SEMA3A: variants seen among roughly 807,000 people sequenced by gnomAD.
SEMA3A encodes semaphorin-3A.
Under a neutral mutation model 97.9 loss-of-function variants are expected in SEMA3A, and 29 were observed. That is an observed-to-expected ratio of 0.30 (90% CI 0.22 to 0.40). SEMA3A has a LOEUF of 0.40. Among genes scored for constraint, SEMA3A ranks in the 10% least tolerant of loss-of-function variants. SEMA3A has a pLI of 1.00. For synonymous variants in SEMA3A, 321 were observed against 323.7 expected, an observed-to-expected ratio of 0.99 and a Z score of 0.09; for missense variants, 763 against 951.3, an observed-to-expected ratio of 0.80 and a Z score of 2.60.
chr7:84,454,176 T>C (rs1428138329), intron 1 of SEMA3A, among the ~76,000 whole-genome samples: 1 of 152,110 alleles, frequency 6.6e-6, no homozygotes, highest in African/African-American at 2.4e-5. Context: ...AGCTGTGGAG[T>C]CTTGCTGCAA....
In SEMA3A at chr7:84,091,165, AAG is replaced by A. The variant is rs1165281153; in HGVS notation, c.453+19303_453+19304del. Among the ~76,000 whole-genome samples the A allele has an allele frequency of 8.6e-4, 34 of 39,406 alleles. 1 individual carries two copies. Among genetic ancestry groups the A allele is most frequent in the African/African-American group, 2.5e-3 (26 of 10,258 alleles). 25.9% of individuals were successfully genotyped at this position (39,406 alleles called of 152,430 possible). A position where few individuals can be genotyped will look rare whatever the true frequency, so the allele number is the denominator to read the frequency against. ...GAAGGAAGGAAGGAAGGAAGGAAGGAAGGAAAGAAAGAAAGAAAGAAAGAAAG... is the reference window on the plus strand; with the variant it reads ...GAAGGAAGGAAGGAAGGAAGGAAGGAGAAAGAAAGAAAGAAAGAAAGAAAG... On this transcript the variant is annotated intron_variant, in intron 4 of 16. Transcript: ENST00000265362.
At chr7:83,997,120 A>G (rs1031856145) in intron 12 of SEMA3A, among the ~76,000 whole-genome samples, 4 of 152,294 alleles carry the variant, frequency 2.6e-5, no homozygotes, top group Admixed American at 2.6e-4. Context: ...TCTGTCAAGG[A>G]CACATAATGA....
intron 1 of SEMA3A, among the ~76,000 whole-genome samples, chr7:84,475,794 A>G (rs961038576): frequency 2.6e-5 from 4 of 152,178 alleles, no homozygotes; most frequent in Admixed American, 2.0e-4. Flanking sequence ...AGACACTTGG[A>G]TCAAAGCAAA....
chr7:84,374,138 C>T (rs1803043027), intron 1 of SEMA3A, among the ~76,000 whole-genome samples: 1 of 152,242 alleles, frequency 6.6e-6, no homozygotes, highest in South Asian at 2.1e-4. Context: ...GAAACTCATG[C>T]AAACTTTAAG....
rs1406812004 is a variant in SEMA3A at position 83,958,411 on chromosome 7, A to T, written c.*2960T>A. 6.6e-6 allele frequency: 1 copy of T among 152,522 alleles called. No individual in the cohort carries two copies. The highest frequency in any genetic ancestry group is 1.5e-5 in the Non-Finnish European group (1 of 67,946). The allele number at this position is 152,522 out of a possible 1,614,324, so 9.4% of individuals were successfully genotyped here. ...AGGAATAATTTACAGCAGCAGTTTC[A>T]TTACATTTTTCTCTCCAGTTTTTCT... On this transcript the variant is annotated 3_prime_UTR_variant, in exon 17 of 17. Coordinates refer to ENST00000265362, the MANE Select transcript of SEMA3A (RefSeq NM_006080.3).
chr7:84,197,898 C>A (rs1388198492), upstream of SEMA3A, among the ~76,000 whole-genome samples: 1 of 151,476 alleles, frequency 6.6e-6, no homozygotes, highest in African/African-American at 2.4e-5. Context: ...CGCCGCCACG[C>A]CCAGCTAATT....
At chr7:84,418,007 T>C (rs1468673270) in intron 1 of SEMA3A, among the ~76,000 whole-genome samples, 1 of 152,152 alleles carries the variant, frequency 6.6e-6, no homozygotes, top group Non-Finnish European at 1.5e-5. Context: ...ATATAATTGA[T>C]GTGATTGTTA....
chr7:84,339,869 T>C (rs1472137178), intron 2 of SEMA3A, among the ~76,000 whole-genome samples: 1 of 152,106 alleles, frequency 6.6e-6, no homozygotes, highest in East Asian at 1.9e-4. Flanking sequence ...ATATTAATGA[T>C]GAGTAATCCT....
At chr7:84,429,174 CTTTA>C (rs1375409294) in intron 1 of SEMA3A, among the ~76,000 whole-genome samples, 1 of 151,958 alleles carries the variant, frequency 6.6e-6, no homozygotes, top group African/African-American at 2.4e-5. Context: ...AGAATCTCTA[CTTTA>C]TTTATGCCTA....
intron 7 of SEMA3A, among the ~76,000 whole-genome samples, chr7:84,013,753 G>C (rs896397263): frequency 6.6e-6 from 1 of 151,980 alleles, no homozygotes; most frequent in Admixed American, 6.6e-5. Context: ...AGGCTGAAGC[G>C]GGAGAATCAC....
At chr7:84,337,369 CA>C in intron 2 of SEMA3A, among the ~76,000 whole-genome samples, 1 of 152,212 alleles carries the variant, frequency 6.6e-6, no homozygotes, top group Middle Eastern at 3.4e-3. Context: ...TCCATGTCTA[CA>C]TATACTTCTA....
chr7:84,188,247 T>C (rs1037783658), intron 1 of SEMA3A, among the ~76,000 whole-genome samples: 1 of 152,068 alleles, frequency 6.6e-6, no homozygotes, highest in African/African-American at 2.4e-5. Context: ...GATTTTATTT[T>C]TGCTTATCTT....
chr7:84,148,989 T>C (rs1239084875), intron 1 of SEMA3A, among the ~76,000 whole-genome samples: 1 of 152,212 alleles, frequency 6.6e-6, no homozygotes, highest in African/African-American at 2.4e-5. Context: ...AGTTAAGTTT[T>C]TGGATAGTCA....
At chr7:84,403,722 C>T (rs892037600) in intron 1 of SEMA3A, among the ~76,000 whole-genome samples, 3 of 152,260 alleles carry the variant, frequency 2.0e-5, no homozygotes, top group African/African-American at 4.8e-5. Flanking sequence ...CAGGCAGCAA[C>T]ATTTGCGGTT....
intron 12 of SEMA3A, among the ~76,000 whole-genome samples, chr7:84,001,473 T>A (rs1790448674): frequency 1.3e-5 from 2 of 151,510 alleles, no homozygotes; most frequent in Non-Finnish European, 2.9e-5. Flanking sequence ...ACCTCTCAAA[T>A]TTTTTTTTGC....
intron 1 of SEMA3A, among the ~76,000 whole-genome samples, chr7:84,432,539 T>G (rs1206602969): frequency 1.3e-5 from 2 of 152,124 alleles, no homozygotes; most frequent in Non-Finnish European, 2.9e-5. Context: ...CACATCTCCC[T>G]CCCTCCTCTT....
At chr7:84,062,864 A>G (rs117580611) in intron 4 of SEMA3A, among the ~76,000 whole-genome samples, 83,894 of 150,548 alleles carry the variant, frequency 0.56, 25,324 homozygotes, top group African/African-American at 0.79. Flanking sequence ...CCATTGCCAA[A>G]CTTGATTAGG....
At chr7:83,989,129 G>A (rs1789774145) in intron 12 of SEMA3A, among the ~76,000 whole-genome samples, 1 of 152,028 alleles carries the variant, frequency 6.6e-6, no homozygotes, top group African/African-American at 2.4e-5. Context: ...CTTATTTCAT[G>A]AAGGTTTTCA....
intron 1 of SEMA3A, among the ~76,000 whole-genome samples, chr7:84,435,921 C>G (rs1355395926): frequency 1.3e-5 from 2 of 152,142 alleles, no homozygotes; most frequent in Non-Finnish European, 2.9e-5. Flanking sequence ...CATTACCCTA[C>G]TTTAAACTGT....
Sources: gnomAD v4.1 joint callset for allele counts (sites outside exome capture counted in the v4.1 genomes callset) on GRCh38, gnomAD v4.1.1 for gene constraint, MANE v1.5 for transcripts, NCBI Gene and HGNC (gene_info 2026-07-23, HGNC 2026-07-21) for gene names.